MMD2: variants seen among roughly 807,000 people sequenced by gnomAD.
MMD2 encodes monocyte to macrophage differentiation associated 2, also known as monocyte to macrophage differentiation factor 2.
A neutral mutation model predicts 33.5 loss-of-function variants in MMD2; 30 were observed. The observed-to-expected ratio is 0.90, with a 90% CI of 0.67 to 1.22. The LOEUF (loss-of-function observed/expected upper bound fraction) is 1.22, where lower values mean the gene tolerates loss of function less well. Among genes scored for constraint, MMD2 ranks in the 50% most tolerant of loss-of-function variants. MMD2 has a pLI of 0.00. For missense variants in MMD2, 364 were observed against 325.4 expected, an observed-to-expected ratio of 1.12 and a Z score of -0.91; for synonymous variants, 129 against 123.0, an observed-to-expected ratio of 1.05 and a Z score of -0.32.
intron 1 of MMD2, among the ~76,000 whole-genome samples, chr7:4,958,374 T>C (rs1250358470): frequency 2.0e-5 from 3 of 152,100 alleles, no homozygotes; most frequent in East Asian, 1.9e-4. Context: ...TGTCTGTTAA[T>C]CACCATTTTA....
downstream of MMD2, among the ~76,000 whole-genome samples, chr7:4,903,002 C>T (rs1226251594): frequency 6.6e-6 from 1 of 152,204 alleles, no homozygotes; most frequent in Non-Finnish European, 1.5e-5. Context: ...CTTTGTGCGG[C>T]CGAGGCGGGC....
intron 1 of MMD2, among the ~76,000 whole-genome samples, chr7:4,926,527 A>G (rs956315898): frequency 7.9e-5 from 12 of 151,794 alleles, no homozygotes; most frequent in African/African-American, 2.9e-4. Context: ...CTCACTCCTC[A>G]CCCCCAAGAA....
the MMD2 span, among the ~76,000 whole-genome samples, chr7:4,895,963 C>G: frequency 7.9e-5 from 12 of 152,126 alleles, no homozygotes; most frequent in African/African-American, 2.7e-4. Flanking sequence ...GACAAAGACT[C>G]CTGCCCACGT....
At chr7:4,924,058 G>A (rs1471163317) in intron 2 of MMD2, among the ~76,000 whole-genome samples, 3 of 152,164 alleles carry the variant, frequency 2.0e-5, no homozygotes, top group Admixed American at 6.5e-5. Context: ...CGGGCTTGGT[G>A]GCGGGCGCCT....
At chr7:4,894,450 T>G in the MMD2 span, among the ~76,000 whole-genome samples, 1 of 152,186 alleles carries the variant, frequency 6.6e-6, no homozygotes, top group Non-Finnish European at 1.5e-5. The surrounding 1 kb of genome is among the most constrained non-coding windows in gnomAD (Gnocchi z 4.3). Context: ...AGAGTGGCTT[T>G]TAAGCGTGCC....
At position 4,912,297 on chromosome 7, in the gene MMD2, G is replaced by A. The variant is rs569576136; in HGVS notation, c.366-1051C>T. On this transcript the variant is annotated intron_variant, in intron 4 of 6. Transcript: ENST00000401401. ...CTGTTGGCCGGGCGCGGTGGCTCAC[G>A]CCTGTAATCCCAGCACTTTGGGAGG... is the stretch of plus-strand genomic sequence containing the variant. 3.9e-3 allele frequency among the ~76,000 whole-genome samples: 591 copies of A among 152,000 alleles called. 2 individuals carry two copies. Among genetic ancestry groups the A allele is most frequent in the Non-Finnish European group, 5.7e-3 (389 of 67,962 alleles).
intron 1 of MMD2, among the ~76,000 whole-genome samples, chr7:4,945,252 C>A (rs1482378179): frequency 4.9e-5 from 2 of 40,424 alleles, no homozygotes; most frequent in Non-Finnish European, 1.1e-4. Context: ...CTCTCTCTTT[C>A]TTTCCCTCCC....
chr7:4,959,050 T>A lies in MMD2; in HGVS notation c.-33A>T. On this transcript the variant is annotated 5_prime_UTR_variant, in exon 1 of 7. Coordinates refer to ENST00000401401, the MANE Select transcript of MMD2 (RefSeq NM_198403.4). ...CTTCCATGGGAATCTGGCCCCGGGC[T>A]CAGAGCGCGGGTAGCTGGCAGAGCC... is the stretch of plus-strand genomic sequence containing the variant. 1 of 1,248,966 alleles carries A rather than the reference T, an allele frequency of 8.0e-7. No homozygotes were observed. Among genetic ancestry groups the A allele is most frequent in the Non-Finnish European group, 1.0e-6 (1 of 988,594 alleles). The allele number at this position is 1,248,966 out of a possible 1,614,324, so 77.4% of individuals were successfully genotyped here.
At chr7:4,950,328 C>A (rs1341271094) in intron 1 of MMD2, among the ~76,000 whole-genome samples, 3 of 152,124 alleles carry the variant, frequency 2.0e-5, no homozygotes, top group Non-Finnish European at 4.4e-5. Flanking sequence ...GAACTCCCTA[C>A]CTCAGGTGGT....
intron 1 of MMD2, among the ~76,000 whole-genome samples, chr7:4,949,057 A>G (rs113564891): frequency 1.4e-3 from 207 of 152,184 alleles, no homozygotes; most frequent in African/African-American, 4.8e-3. Flanking sequence ...TAAAAATAGA[A>G]AAATTAGCTG....
At chr7:4,894,766 G>A in the MMD2 span, among the ~76,000 whole-genome samples, 3 of 152,142 alleles carry the variant, frequency 2.0e-5, no homozygotes, top group Non-Finnish European at 2.9e-5. The surrounding 1 kb of genome is among the most constrained non-coding windows in gnomAD (Gnocchi z 4.3). Context: ...CAGGCTCTGT[G>A]AGGACCCTGC....
At chr7:4,915,394 T>G (rs1015445580) in intron 4 of MMD2, among the ~76,000 whole-genome samples, 8 of 152,080 alleles carry the variant, frequency 5.3e-5, no homozygotes, top group African/African-American at 1.9e-4. Flanking sequence ...TTACACATAT[T>G]TATATATGTG....
At chr7:4,924,746 G>C (rs544754759) in intron 2 of MMD2, among the ~76,000 whole-genome samples, 1 of 152,106 alleles carries the variant, frequency 6.6e-6, no homozygotes, top group Non-Finnish European at 1.5e-5. Flanking sequence ...AAATATTCCC[G>C]GTGACAGGAA....
chr7:4,916,476 G>A (rs1391604913), intron 3 of MMD2, among the ~76,000 whole-genome samples: 2 of 148,848 alleles, frequency 1.3e-5, no homozygotes, highest in Admixed American at 1.4e-4. Context: ...TCCGCTTCCC[G>A]GATTCAAGCC....
chr7:4,955,951 G>T (rs962836618), intron 1 of MMD2, among the ~76,000 whole-genome samples: 1 of 152,218 alleles, frequency 6.6e-6, no homozygotes, highest in African/African-American at 2.4e-5. Flanking sequence ...TACTTGGGAG[G>T]CTGAGGCAGG....
At chr7:4,925,955 G>A (rs1038483952) in intron 1 of MMD2, among the ~76,000 whole-genome samples, 2 of 151,710 alleles carry the variant, frequency 1.3e-5, no homozygotes, top group Non-Finnish European at 2.9e-5. Context: ...CTGGGCGTGT[G>A]CCACCACGCC....
chr7:4,897,635 G>A, the MMD2 span, among the ~76,000 whole-genome samples: 5 of 152,206 alleles, frequency 3.3e-5, no homozygotes, highest in Admixed American at 6.5e-5. Flanking sequence ...AAGTGCATTC[G>A]GTGAAAGGCC....
chr7:4,897,394 A>G, the MMD2 span, among the ~76,000 whole-genome samples: 1 of 152,208 alleles, frequency 6.6e-6, no homozygotes, highest in Non-Finnish European at 1.5e-5. Flanking sequence ...GCAATTTCAC[A>G]AACACAGAAA....
At chr7:4,908,147 GTTTTT>G (rs34216197) in intron 6 of MMD2, among the ~76,000 whole-genome samples, 2 of 137,642 alleles carry the variant, frequency 1.5e-5, no homozygotes, top group Non-Finnish European at 3.2e-5. Context: ...ATCTGGTTTT[GTTTTT>G]TTTTTTTTTG....
Sources: gnomAD v4.1 joint callset for allele counts (sites outside exome capture counted in the v4.1 genomes callset) on GRCh38, gnomAD v4.1.1 for gene constraint, Gnocchi (gnomAD v3.1) non-coding constraint, MANE v1.5 for transcripts, NCBI Gene and HGNC (gene_info 2026-07-23, HGNC 2026-07-21) for gene names.